The following GPR158 variants were observed in gnomAD, a reference collection of about 807,000 sequenced individuals.
The protein encoded by GPR158 is metabotropic glycine receptor.
A neutral mutation model predicts 78.2 loss-of-function variants in GPR158; 30 were observed. That is an observed-to-expected ratio of 0.38 (90% CI 0.29 to 0.52). GPR158 has a LOEUF of 0.52. Among genes scored for constraint, GPR158 ranks in the 20% least tolerant of loss-of-function variants. The probability of loss-of-function intolerance (pLI) is 0.83; values close to 1 mark genes in which losing one functional copy is unlikely to be tolerated. For synonymous variants in GPR158, 581 were observed against 591.1 expected (o/e 0.98, Z 0.25); for missense variants, 1,463 against 1,523.5 (o/e 0.96, Z 0.66).
rs150431166 is a variant in GPR158, at chr10:25,313,814, C to T, written c.1009-82097C>T. Among the ~76,000 whole-genome samples, 24 of 152,178 alleles carry T rather than the reference C, an allele frequency of 1.6e-4. No individual in the cohort carries two copies. In the East Asian group the frequency reaches 4.1e-3, roughly 26 times the overall value. On this transcript the variant is annotated intron_variant, in intron 2 of 10. Coordinates refer to ENST00000376351, the MANE Select transcript of GPR158 (RefSeq NM_020752.3). ...ATTTTCTTTTCTTGTGCTCTCTTTA[C>T]TGTTTTGCACTTTATTGTTATACTT...
intron 5 of GPR158, among the ~76,000 whole-genome samples, chr10:25,546,494 A>C (rs1356742081): frequency 6.6e-6 from 1 of 152,204 alleles, no homozygotes; most frequent in Non-Finnish European, 1.5e-5. Flanking sequence ...CTCAACAAAT[A>C]ACAGGTTGCC....
intron 2 of GPR158, among the ~76,000 whole-genome samples, chr10:25,290,144 C>T (rs1226986001): frequency 1.3e-5 from 2 of 152,156 alleles, no homozygotes; most frequent in Non-Finnish European, 2.9e-5. Context: ...ACCCATGCAA[C>T]ACAGGCAGGC....
chr10:25,351,317 G>A (rs985255804), intron 2 of GPR158, among the ~76,000 whole-genome samples: 4 of 151,906 alleles, frequency 2.6e-5, no homozygotes, highest in African/African-American at 4.8e-5. Context: ...TAGGGAGTGC[G>A]GGTTAAGCCA....
intron 8 of GPR158, among the ~76,000 whole-genome samples, chr10:25,590,516 A>G (rs1205056980): frequency 6.6e-6 from 1 of 152,226 alleles, no homozygotes; most frequent in East Asian, 1.9e-4. Flanking sequence ...TCCTGTTGCC[A>G]GAGCTCAAAC....
intron 5 of GPR158, among the ~76,000 whole-genome samples, chr10:25,503,618 C>A (rs1364091727): frequency 6.6e-6 from 1 of 152,030 alleles, no homozygotes; most frequent in Admixed American, 6.6e-5. Context: ...TTACCAGTTC[C>A]CTGGAATGTA....
At chr10:25,441,551 C>G (rs17628278) in intron 4 of GPR158, among the ~76,000 whole-genome samples, 18,343 of 152,172 alleles carry the variant, frequency 0.12, 1,259 homozygotes, top group Non-Finnish European at 0.16. Flanking sequence ...CAATCAATTT[C>G]AAAATCTCTT....
At chr10:25,478,865 A>G (rs1004057297) in intron 5 of GPR158, among the ~76,000 whole-genome samples, 3 of 136,036 alleles carry the variant, frequency 2.2e-5, no homozygotes, top group African/African-American at 5.6e-5. Context: ...CTCATTGTCC[A>G]GTTCCCACCT....
chr10:25,418,051 TG>T (rs1292824612), intron 4 of GPR158, among the ~76,000 whole-genome samples: 1 of 152,112 alleles, frequency 6.6e-6, no homozygotes, highest in Non-Finnish European at 1.5e-5. Flanking sequence ...CCAATAACAA[TG>T]TCAAACCTAG....
chr10:25,466,362 T>C lies in GPR158; in HGVS notation c.1336-289T>C, dbSNP rs528794678. 23 of 280,704 alleles carry C rather than the reference T, an allele frequency of 8.2e-5. No individual in the cohort carries two copies. In the South Asian group the frequency reaches 2.2e-3, roughly 26 times the overall value. The allele number at this position is 280,704 out of a possible 1,614,324, so 17.4% of individuals were successfully genotyped here. A position where few individuals can be genotyped will look rare whatever the true frequency, so the allele number is the denominator to read the frequency against. ...GAGAAGACTTCTCGTCTCAAAAGTA[T>C]CTTCAAGATAGTGTTCTTAGCTGCT... On this transcript the variant is annotated intron_variant, in intron 4 of 10. Coordinates refer to ENST00000376351, the MANE Select transcript of GPR158 (RefSeq NM_020752.3).
In GPR158 at chr10:25,209,552, G is replaced by A. The variant is rs1379476398; in HGVS notation, c.903-11500G>A. Reference sequence around the variant, plus strand: ...CACCTAGCAAAGAGCCTTACATGTAGTAGGGACACACACACACAATTTATT... The same window carrying A: ...CACCTAGCAAAGAGCCTTACATGTAATAGGGACACACACACACAATTTATT... On this transcript the variant is annotated intron_variant, in intron 1 of 10. Coordinates refer to ENST00000376351, the MANE Select transcript of GPR158 (RefSeq NM_020752.3). 2.0e-5 allele frequency among the ~76,000 whole-genome samples: 3 copies of A among 152,136 alleles called. No individual in the cohort carries two copies. In the East Asian group the frequency reaches 5.8e-4, roughly 29 times the overall value.
intron 5 of GPR158, among the ~76,000 whole-genome samples, chr10:25,489,998 A>G (rs1272860873): frequency 6.6e-6 from 1 of 152,194 alleles, no homozygotes; most frequent in Non-Finnish European, 1.5e-5. Flanking sequence ...TCAACATTCA[A>G]AACTTTTTGT....
chr10:25,275,883 A>G (rs1041978001), intron 2 of GPR158, among the ~76,000 whole-genome samples: 37 of 151,952 alleles, frequency 2.4e-4, no homozygotes. Flanking sequence ...AGGTATCTTG[A>G]CTCCCAGAGC....
At chr10:25,575,248 AAGTCTT>A (rs1362999061) in intron 7 of GPR158, among the ~76,000 whole-genome samples, 2 of 152,204 alleles carry the variant, frequency 1.3e-5, no homozygotes, top group Non-Finnish European at 2.9e-5. Flanking sequence ...TTTATTGAAA[AAGTCTT>A]AGAGGAATTT....
At chr10:25,194,158 C>CT (rs1285956496) in intron 1 of GPR158, among the ~76,000 whole-genome samples, 1 of 152,120 alleles carries the variant, frequency 6.6e-6, no homozygotes, top group Non-Finnish European at 1.5e-5. Context: ...CACGTTGCTG[C>CT]TTTTTTATGG....
intron 8 of GPR158, among the ~76,000 whole-genome samples, chr10:25,590,597 A>G (rs575349116): frequency 3.1e-4 from 47 of 152,304 alleles, no homozygotes; most frequent in Admixed American, 4.6e-4. Flanking sequence ...AATATCAAGC[A>G]TATTCCAAGA....
intron 5 of GPR158, among the ~76,000 whole-genome samples, chr10:25,513,359 G>A (rs1003283924): frequency 6.6e-6 from 1 of 151,802 alleles, no homozygotes; most frequent in African/African-American, 2.4e-5. Context: ...TTGTATTTCT[G>A]TGTTATCAGT....
intron 6 of GPR158, among the ~76,000 whole-genome samples, chr10:25,570,734 G>T (rs1460410231): frequency 3.9e-5 from 6 of 152,096 alleles, no homozygotes; most frequent in Non-Finnish European, 8.8e-5. Flanking sequence ...GGCCAACATG[G>T]TGAAACCCCG....
At chr10:25,344,584 A>G (rs1185699433) in intron 2 of GPR158, among the ~76,000 whole-genome samples, 1 of 152,018 alleles carries the variant, frequency 6.6e-6, no homozygotes, top group African/African-American at 2.4e-5. Flanking sequence ...AACATTCTAA[A>G]TGTTTGATAT....
chr10:25,575,622 T>A (rs1837082116), intron 7 of GPR158, among the ~76,000 whole-genome samples: 2 of 152,164 alleles, frequency 1.3e-5, no homozygotes, highest in South Asian at 4.1e-4. Flanking sequence ...GGGAGTCAGA[T>A]GAACTTATGA....
Sources: allele counts gnomAD v4.1 joint callset (sites outside exome capture counted in the v4.1 genomes callset), GRCh38; gene constraint gnomAD v4.1.1; transcripts MANE v1.5; gene names NCBI Gene and HGNC (gene_info 2026-07-23, HGNC 2026-07-21).